The following CCDC187 variants were observed in gnomAD, a reference collection of about 807,000 sequenced individuals.
CCDC187 encodes the protein coiled-coil domain containing 187, also known as coiled-coil domain-containing protein 187.
In CCDC187, 32 loss-of-function variants were observed where a neutral mutation model predicts 38.0. The observed-to-expected ratio is 0.84, with a 90% confidence interval of 0.64 to 1.13. The LOEUF is 1.13. Among genes scored for constraint, CCDC187 ranks in the 50% most tolerant of loss-of-function variants. The probability of loss-of-function intolerance (pLI) is 0.00; values close to 1 mark genes in which losing one functional copy is unlikely to be tolerated. For missense variants in CCDC187, 707 were observed against 786.8 expected (o/e 0.90, Z 1.21); for synonymous variants, 333 against 347.9 (o/e 0.96, Z 0.48).
At chr9:136,260,782 C>A (rs945087440) in intron 19 of CCDC187, among the ~76,000 whole-genome samples, 5 of 152,220 alleles carry the variant, frequency 3.3e-5, no homozygotes, top group Non-Finnish European at 7.4e-5. Flanking sequence ...CCAGGGTGAG[C>A]AGGAGGTTCA....
At position 136,254,686 on chromosome 9, in the gene CCDC187, G is replaced by A; in HGVS notation, c.5142C>T (p.Pro1714=). Residue 1714 remains proline (P), a synonymous_variant, in exon 26 of 26, where the codon CCC becomes CCT. Coordinates refer to ENST00000638797, the MANE Select transcript of CCDC187 (RefSeq NM_001378188.1). Reference sequence around the variant, plus strand: ...CCGTGTCCAAGGAGGAGCCACGCAGGGGGCCGGCCCTGCGGCCCTGGGGCC... The same window carrying A: ...CCGTGTCCAAGGAGGAGCCACGCAGAGGGCCGGCCCTGCGGCCCTGGGGCC... The part of the protein sequence containing the change: ...WQRPQGRRAG[P]LRGSSLDTAM... The A allele has an allele frequency of 3.0e-6, 3 of 985,510 alleles. No homozygotes were observed. Among genetic ancestry groups the A allele is most frequent in the Non-Finnish European group, 3.6e-6 (3 of 829,980 alleles). The allele number at this position is 985,510 out of a possible 1,614,324, so 61.0% of individuals were successfully genotyped here.
chr9:136,284,692 T>G (rs1831130236), intron 9 of CCDC187, among the ~76,000 whole-genome samples: 1 of 146,254 alleles, frequency 6.8e-6, no homozygotes, highest in South Asian at 2.2e-4. Context: ...GGGCAGGTGG[T>G]GGGCTCGGAG....
chr9:136,284,862 G>A (rs1234722622), intron 9 of CCDC187, among the ~76,000 whole-genome samples: 3 of 152,088 alleles, frequency 2.0e-5, no homozygotes, highest in South Asian at 2.1e-4. Context: ...CCTCTGTCAC[G>A]AGCATCTAAC....
chr9:136,299,988 C>T (rs1831635358), intron 3 of CCDC187, among the ~76,000 whole-genome samples: 2 of 152,244 alleles, frequency 1.3e-5, no homozygotes, highest in African/African-American at 4.8e-5. Flanking sequence ...GCTCAGCTCC[C>T]CTGCCCTGCA....
At position 136,262,468 on chromosome 9, in the gene CCDC187, A is replaced by C. The variant is rs1830691107; in HGVS notation, c.3913-6T>G. The C allele has an allele frequency of 5.3e-5, 52 of 985,912 alleles. No homozygotes were observed. Among genetic ancestry groups the C allele is most frequent in the Admixed American group, 1.2e-4 (2 of 16,276 alleles). The allele number at this position is 985,912 out of a possible 1,614,324, so 61.1% of individuals were successfully genotyped here. A position where few individuals can be genotyped will look rare whatever the true frequency, so the allele number is the denominator to read the frequency against. ...TTGACTTTGGGGCTGGAACCCTGTAAGAAATGGTGCAGGAGAGCCTGGCAA... is the reference window on the plus strand; with the variant it reads ...TTGACTTTGGGGCTGGAACCCTGTACGAAATGGTGCAGGAGAGCCTGGCAA... On this transcript the variant is annotated splice_polypyrimidine_tract_variant and splice_region_variant and intron_variant, in intron 18 of 25. Transcript: ENST00000638797.
In CCDC187 at chr9:136,258,621, C is replaced by A. The variant is rs1177243115; in HGVS notation, c.4366+311G>T. 1.3e-5 allele frequency: 11 copies of A among 828,888 alleles called. No individual in the cohort carries two copies. The highest frequency in any genetic ancestry group is 1.5e-5 in the Non-Finnish European group (10 of 686,910). 51.3% of individuals were successfully genotyped at this position (828,888 alleles called of 1,614,324 possible). ...GAAACCTCCGTCAGCTGAAGACGCT[C>A]AGGCAGTGCTGGCTTCCAAACACTT... On this transcript the variant is annotated intron_variant, in intron 22 of 25. Transcript: ENST00000638797. The surrounding 1 kb of genome is among the most constrained non-coding windows in gnomAD (Gnocchi z 4.3).
chr9:136,293,507 A>G (rs1471977772), intron 4 of CCDC187, among the ~76,000 whole-genome samples: 2 of 113,682 alleles, frequency 1.8e-5, no homozygotes, highest in African/African-American at 7.0e-5. Flanking sequence ...ACACACTCAC[A>G]AACACACATG....
chr9:136,267,310 G>C (rs1176725323), intron 16 of CCDC187, 74 bp downstream of exon 16: 3 of 923,976 alleles, frequency 3.2e-6, no homozygotes, highest in Non-Finnish European at 3.8e-6. Context: ...GAGGGGGCGG[G>C]GCTACAGCAG....
At chr9:136,277,466 AGGGTGGGTGGGTGCTGAGG>A (rs1453906709) in intron 10 of CCDC187, among the ~76,000 whole-genome samples, 4 of 18,004 alleles carry the variant, frequency 2.2e-4, no homozygotes, top group African/African-American at 6.5e-4. Context: ...GGGTGCTGAC[AGGGTGGGTGGGTGCTGAGG>A]GGGTGGGCAG....
upstream of CCDC187, among the ~76,000 whole-genome samples, chr9:136,305,343 C>T (rs1831783954): frequency 6.6e-6 from 1 of 152,162 alleles, no homozygotes; most frequent in Non-Finnish European, 1.5e-5. Flanking sequence ...CCACAGGGTC[C>T]CCCCACCCTC....
upstream of CCDC187, among the ~76,000 whole-genome samples, chr9:136,305,937 G>A (rs1346201901): frequency 6.6e-6 from 1 of 152,196 alleles, no homozygotes; most frequent in Non-Finnish European, 1.5e-5. Flanking sequence ...GGAGACACAC[G>A]TCAGCTCCCG....
intron 14 of CCDC187, among the ~76,000 whole-genome samples, chr9:136,274,145 A>G (rs782597047): frequency 2.0e-5 from 3 of 152,192 alleles, no homozygotes; most frequent in Non-Finnish European, 2.9e-5. Context: ...ATGCCAAGAC[A>G]GGTTGTACCC....
rs543178785 is a variant in CCDC187 at position 136,263,773 on chromosome 9, G to A, written c.3761C>T (p.Thr1254Met). 18 of 985,492 alleles carry A rather than the reference G, an allele frequency of 1.8e-5. 1 individual carries two copies. The highest frequency in any genetic ancestry group is 1.4e-4 in the African/African-American group (8 of 57,376). The allele number at this position is 985,492 out of a possible 1,614,324, so 61.0% of individuals were successfully genotyped here. A position where few individuals can be genotyped will look rare whatever the true frequency, so the allele number is the denominator to read the frequency against. Residue 1254 changes from threonine (T) to methionine (M), a missense_variant, in exon 18 of 26, where the codon ACG becomes ATG. Transcript: ENST00000638797. The stretch of plus-strand genomic sequence containing the variant: ...CCTGTCCCGGTGCCTGAACAGCTGC[G>A]TGTGTCTCAGGTATTGGATTTCCCT... ...EQREIQYLRH[T>M]QLFRHRDRKL...
intron 19 of CCDC187, among the ~76,000 whole-genome samples, chr9:136,260,912 C>A (rs1171799647): frequency 6.6e-6 from 1 of 152,194 alleles, no homozygotes; most frequent in East Asian, 1.9e-4. Flanking sequence ...CAGTGTGTGC[C>A]CCACACAGGC....
upstream of CCDC187, among the ~76,000 whole-genome samples, chr9:136,306,612 G>T (rs1240102668): frequency 6.6e-6 from 1 of 152,176 alleles, no homozygotes; most frequent in African/African-American, 2.4e-5. Context: ...AGCGGATGAG[G>T]CTCAGCCTAA....
intron 8 of CCDC187, among the ~76,000 whole-genome samples, 172 bp downstream of exon 8, chr9:136,285,913 C>T (rs1040524765): frequency 2.4e-4 from 37 of 152,330 alleles, no homozygotes; most frequent in Non-Finnish European, 2.4e-4. Context: ...CCACATGCCA[C>T]GTGGGAAAGC....
In CCDC187 at chr9:136,258,548, G is replaced by A. The variant is rs1044188137; in HGVS notation, c.4366+384C>T. Reference sequence around the variant, plus strand: ...ATTGGGGACTTGGCTCTCGGGGGGGGCCCCGGCCAAGTGTAAGGTTCAGAA... The same window carrying A: ...ATTGGGGACTTGGCTCTCGGGGGGGACCCCGGCCAAGTGTAAGGTTCAGAA... On this transcript the variant is annotated intron_variant, in intron 22 of 25. Transcript: ENST00000638797. The surrounding 1 kb of genome is among the most constrained non-coding windows in gnomAD (Gnocchi z 4.3). Among the ~76,000 whole-genome samples, 2 of 152,332 alleles carry A rather than the reference G, an allele frequency of 1.3e-5. No homozygotes were observed. Among genetic ancestry groups the A allele is most frequent in the East Asian group, 3.9e-4 (2 of 5,164 alleles).
intron 19 of CCDC187, 109 bp from the exon 20 acceptor site, chr9:136,260,373 T>C: frequency 3.5e-6 from 3 of 848,774 alleles, no homozygotes; most frequent in Non-Finnish European, 4.2e-6. Flanking sequence ...AACAACCTCA[T>C]GTCACATCCA....
rs1830603982 is a variant in CCDC187, at chr9:136,255,744, A to G, written c.4617-11T>C. 2 of 985,060 alleles carry G rather than the reference A, an allele frequency of 2.0e-6. No homozygotes were observed. The highest frequency in any genetic ancestry group is 3.5e-5 in the African/African-American group (2 of 57,314). 61.0% of individuals were successfully genotyped at this position (985,060 alleles called of 1,614,324 possible). ...TGACAGGCCTCCGTCCTGCAAGCAC[A>G]TTCGTGGAGAACCCTGTGGGGATCC... On this transcript the variant is annotated splice_polypyrimidine_tract_variant and intron_variant, in intron 24 of 25. Transcript: ENST00000638797.
Sources: allele counts gnomAD v4.1 joint callset (sites outside exome capture counted in the v4.1 genomes callset), GRCh38; gene constraint gnomAD v4.1.1; non-coding constraint Gnocchi (gnomAD v3.1); transcripts MANE v1.5; gene names NCBI Gene and HGNC (gene_info 2026-07-23, HGNC 2026-07-21).